The following ZNG1F variants were observed in gnomAD, a reference collection of about 807,000 sequenced individuals.
ZNG1F encodes the protein Zn regulated GTPase metalloprotein activator 1F.
At chr9:41,144,371 T>C in the ZNG1F span, among the ~76,000 whole-genome samples, 1 of 81,308 alleles carries the variant, frequency 1.2e-5, no homozygotes, top group Non-Finnish European at 2.7e-5. Flanking sequence ...AGATACCGAC[T>C]ATCATAAAGA....
chr9:41,173,977 T>C, the ZNG1F span, among the ~76,000 whole-genome samples: 24,358 of 148,382 alleles, frequency 0.16, 3,155 homozygotes, highest in Middle Eastern at 0.26. Context: ...ATCCCAGCAC[T>C]TTGGGAGGCC....
chr9:41,137,187 A>C, the ZNG1F span, among the ~76,000 whole-genome samples: 3 of 147,646 alleles, frequency 2.0e-5, no homozygotes, highest in Non-Finnish European at 4.5e-5. Context: ...CACTATTGTC[A>C]TTCAGTTTGA....
the ZNG1F span, among the ~76,000 whole-genome samples, chr9:41,155,455 C>G: frequency 7.1e-6 from 1 of 140,970 alleles, no homozygotes; most frequent in Non-Finnish European, 1.5e-5. Flanking sequence ...GGCGATTCCT[C>G]AGGGATCTAG....
the ZNG1F span, among the ~76,000 whole-genome samples, chr9:41,175,110 G>A: frequency 6.8e-6 from 1 of 147,472 alleles, no homozygotes; most frequent in African/African-American, 2.6e-5. Context: ...AAGAATAAGT[G>A]TAGGAGAAAA....
chr9:41,139,898 G>A, the ZNG1F span, among the ~76,000 whole-genome samples: 1 of 152,050 alleles, frequency 6.6e-6, no homozygotes, highest in African/African-American at 2.4e-5. Flanking sequence ...ACTAATATCA[G>A]GTGTCTAAAA....
the ZNG1F span, among the ~76,000 whole-genome samples, chr9:41,155,889 C>G: frequency 7.6e-6 from 1 of 131,590 alleles, no homozygotes; most frequent in Non-Finnish European, 1.6e-5. Context: ...TGCTAGATGA[C>G]GAGTTAGTGG....
the ZNG1F span, among the ~76,000 whole-genome samples, chr9:41,154,800 T>C: frequency 6.7e-6 from 1 of 150,206 alleles, no homozygotes; most frequent in Non-Finnish European, 1.5e-5. Flanking sequence ...CGGCTAGCCA[T>C]ATGTCGAAAG....
chr9:41,175,447 G>A, the ZNG1F span, among the ~76,000 whole-genome samples: 1 of 147,668 alleles, frequency 6.8e-6, no homozygotes, highest in Non-Finnish European at 1.5e-5. Flanking sequence ...TCTCCAAAAC[G>A]GGAAACAACT....
At chr9:41,152,323 C>G in the ZNG1F span, among the ~76,000 whole-genome samples, 1 of 149,058 alleles carries the variant, frequency 6.7e-6, no homozygotes, top group Non-Finnish European at 1.5e-5. Flanking sequence ...ATACATGCAC[C>G]CAATACAGGA....
At chr9:41,201,461 T>A in the ZNG1F span, among the ~76,000 whole-genome samples, 2 of 148,284 alleles carry the variant, frequency 1.3e-5, no homozygotes, top group African/African-American at 2.5e-5. Context: ...AAATTATTTT[T>A]AAAATTTTAA....
the ZNG1F span, among the ~76,000 whole-genome samples, chr9:41,184,881 AGAAAT>A: frequency 9.0e-6 from 1 of 111,164 alleles, no homozygotes; most frequent in African/African-American, 3.5e-5. Flanking sequence ...GTCTGTTATT[AGAAAT>A]CTCAGGATTT....
chr9:41,148,677 TAATCTC>T, the ZNG1F span, among the ~76,000 whole-genome samples: 1 of 142,344 alleles, frequency 7.0e-6, no homozygotes, highest in Non-Finnish European at 1.5e-5. Context: ...GCTGCTGAAA[TAATCTC>T]AATCAATTTC....
At chr9:41,134,963 C>T in the ZNG1F span, among the ~76,000 whole-genome samples, 1,540 of 142,022 alleles carry the variant, frequency 0.011, 106 homozygotes, top group African/African-American at 0.038. Flanking sequence ...TACACTGCAC[C>T]CAATTTCTGT....
At chr9:41,135,031 T>C in the ZNG1F span, among the ~76,000 whole-genome samples, 2 of 104,524 alleles carry the variant, frequency 1.9e-5, no homozygotes, top group Non-Finnish European at 4.2e-5. Flanking sequence ...GTTTATTGTG[T>C]CATTCTTATG....
the ZNG1F span, among the ~76,000 whole-genome samples, chr9:41,154,470 C>T: frequency 5.0e-5 from 7 of 140,330 alleles, 1 homozygote; most frequent in Non-Finnish European, 7.8e-5. Flanking sequence ...CATCAAGCTA[C>T]CAATGACTTT....
At chr9:41,150,383 G>T in the ZNG1F span, among the ~76,000 whole-genome samples, 1 of 146,698 alleles carries the variant, frequency 6.8e-6, no homozygotes, top group Non-Finnish European at 1.5e-5. Context: ...CAAGGCGGCA[G>T]CGAGGCTGGG....
the ZNG1F span, chr9:41,132,148 A>G: frequency 6.5e-7 from 1 of 1,543,870 alleles, no homozygotes; most frequent in Non-Finnish European, 8.8e-7. Context: ...TGAATGGTTA[A>G]TCTGTTTAAG....
At chr9:41,166,672 A>C in the ZNG1F span, 2 of 43,380 alleles carry the variant, frequency 4.6e-5, no homozygotes, top group Non-Finnish European at 8.3e-5. Flanking sequence ...AAAAGAAAAC[A>C]AATTTTCCTT....
the ZNG1F span, among the ~76,000 whole-genome samples, chr9:41,187,560 G>A: frequency 6.7e-6 from 1 of 149,174 alleles, no homozygotes; most frequent in Non-Finnish European, 1.5e-5. Context: ...CCACTGAAAG[G>A]TGTGACGCAG....
Sources: allele counts gnomAD v4.1 joint callset (sites outside exome capture counted in the v4.1 genomes callset), GRCh38; gene constraint gnomAD v4.1.1; transcripts MANE v1.5; gene names NCBI Gene and HGNC (gene_info 2026-07-23, HGNC 2026-07-21).